The following OVCH2 variants were observed in gnomAD, a reference collection of about 807,000 sequenced individuals.
OVCH2 encodes the protein ovochymase 2.
OVCH2 carries 88 observed loss-of-function variants against 73.7 expected under a neutral mutation model. The observed-to-expected ratio is 1.19, with a 90% CI of 1.01 to 1.43. The LOEUF (loss-of-function observed/expected upper bound fraction) is 1.43. Ranked by LOEUF, OVCH2 falls within the 40% of genes most tolerant of loss-of-function variation. The pLI is 0.00. For missense variants in OVCH2, 706 were observed against 674.5 expected (o/e 1.05, Z -0.52); for synonymous variants, 265 against 234.5 (o/e 1.13, Z -1.19).
chr11:7,687,399 A>T (rs4758217), downstream of OVCH2, among the ~76,000 whole-genome samples: 24,426 of 151,958 alleles, frequency 0.16, 2,051 homozygotes, highest in Middle Eastern at 0.19. Context: ...ATAAATTCTT[A>T]CTGGGATTAT....
rs1589880652 is a variant in OVCH2 at position 7,701,623 on chromosome 11, C to T, written c.559+93G>A. ...CTATCTTTAGAAATGTATGCACAAT[C>T]GATTTTTAAAAATGGATTAAAAATT... On this transcript the variant is annotated intron_variant, in intron 5 of 15. Coordinates refer to ENST00000533663, the MANE Select transcript of OVCH2 (RefSeq NM_198185.7). 16 of 1,402,516 alleles carry T rather than the reference C, an allele frequency of 1.1e-5. No homozygotes were observed. The East Asian group carries it at 1.3e-4, about 11-fold the overall frequency. The allele number at this position is 1,402,516 out of a possible 1,614,324, so 86.9% of individuals were successfully genotyped here. A position where few individuals can be genotyped will look rare whatever the true frequency, so the allele number is the denominator to read the frequency against.
rs149628410 is a variant in OVCH2 at position 7,696,378 on chromosome 11, A to G, written c.1141+87T>C. 4.6e-5 allele frequency: 70 copies of G among 1,537,036 alleles called. No individual in the cohort carries two copies. The East Asian group carries it at 1.6e-3, about 35-fold the overall frequency. On this transcript the variant is annotated intron_variant, in intron 10 of 15. Transcript: ENST00000533663. ...AAGTCAAGAAGTGTGGCATTTACAG[A>G]TGGCTGAGTGCCAGACATAAGATAA...
At chr11:7,696,439 A>G in intron 10 of OVCH2, 26 bp downstream of exon 10, 2 of 1,613,772 alleles carry the variant, frequency 1.2e-6, no homozygotes, top group Non-Finnish European at 8.5e-7. Context: ...ACTGGTTTCC[A>G]TTTGACACTG....
chr11:7,688,055 G>T (rs972528179), downstream of OVCH2, among the ~76,000 whole-genome samples: 5 of 152,176 alleles, frequency 3.3e-5, no homozygotes, highest in Admixed American at 1.3e-4. Flanking sequence ...TTTGGTGGGA[G>T]CGCAAACATT....
chr11:7,683,155 G>T, the OVCH2 span, among the ~76,000 whole-genome samples: 2 of 152,102 alleles, frequency 1.3e-5, no homozygotes, highest in Admixed American at 6.5e-5. Flanking sequence ...ATCCAGGCTG[G>T]GTCAGTCCTC....
chr11:7,703,679 T>C lies in OVCH2; in HGVS notation c.290+19A>G, dbSNP rs1856483421. The C allele has an allele frequency of 3.8e-6, 6 of 1,574,696 alleles. No homozygotes were observed. The highest frequency in any genetic ancestry group is 5.2e-6 in the Non-Finnish European group (6 of 1,160,012). ...GAAATGGTGGTGTGGTCTTCACTCA[T>C]GGGCTAGGCCTTTCTTACCTGTTTG... On this transcript the variant is annotated intron_variant, in intron 3 of 15. Transcript: ENST00000533663.
At chr11:7,680,864 A>G in the OVCH2 span, among the ~76,000 whole-genome samples, 1 of 152,224 alleles carries the variant, frequency 6.6e-6, no homozygotes, top group Non-Finnish European at 1.5e-5. Context: ...ATTTATTTAT[A>G]CTTGAATTTA....
At chr11:7,679,170 A>C in the OVCH2 span, among the ~76,000 whole-genome samples, 1 of 152,166 alleles carries the variant, frequency 6.6e-6, no homozygotes, top group African/African-American at 2.4e-5. Flanking sequence ...GACAAAAGGG[A>C]CTTTGTAGCT....
At chr11:7,688,733 C>T (rs1040418940), downstream of OVCH2, among the ~76,000 whole-genome samples, 3 of 152,252 alleles carry the variant, frequency 2.0e-5, no homozygotes, top group Admixed American at 6.5e-5. Context: ...TCTGCCTGCT[C>T]TCCTCACCAC....
downstream of OVCH2, among the ~76,000 whole-genome samples, chr11:7,684,870 C>T (rs1364995607): frequency 1.3e-5 from 2 of 152,110 alleles, no homozygotes; most frequent in East Asian, 3.9e-4. Context: ...GAAATCTTAG[C>T]ATCTTAAGGG....
the OVCH2 span, among the ~76,000 whole-genome samples, chr11:7,679,884 A>AG: frequency 6.6e-6 from 1 of 152,206 alleles, no homozygotes; most frequent in Non-Finnish European, 1.5e-5. Flanking sequence ...CAAAGGGCTG[A>AG]GTTCAGGGAG....
At chr11:7,704,747 C>T in intron 1 of OVCH2, 73 bp from the exon 2 acceptor site, 2 of 991,542 alleles carry the variant, frequency 2.0e-6, no homozygotes, top group Non-Finnish European at 3.1e-6. Context: ...TCCATTTCAC[C>T]CATGAAACTG....
rs1856460294 is a variant in OVCH2 at position 7,702,344 on chromosome 11, G to A, written c.291-15C>T. The A allele has an allele frequency of 6.4e-7, 1 of 1,559,124 alleles. No homozygotes were observed. Among genetic ancestry groups the A allele is most frequent in the Admixed American group, 2.1e-5 (1 of 47,160 alleles). On this transcript the variant is annotated splice_polypyrimidine_tract_variant and intron_variant, in intron 3 of 15. Coordinates refer to ENST00000533663, the MANE Select transcript of OVCH2 (RefSeq NM_198185.7). ...ACACAATGTTTCTATGGAAAGCAAA[G>A]AGTAAAATGAATGAATTTCATTGTG... is the stretch of plus-strand genomic sequence containing the variant.
At chr11:7,681,435 C>T in the OVCH2 span, among the ~76,000 whole-genome samples, 24,387 of 152,076 alleles carry the variant, frequency 0.16, 2,050 homozygotes, top group African/African-American at 0.18. Flanking sequence ...CTAACATGGG[C>T]ATGATAGACT....
chr11:7,695,255 C>CCTCCTGTCTT (rs1049294283), intron 11 of OVCH2, 67 bp from the exon 12 acceptor site: 15 of 1,454,998 alleles, frequency 1.0e-5, no homozygotes, highest in Non-Finnish European at 1.4e-5. Flanking sequence ...CACTGCTCTC[C>CCTCCTGTCTT]CTCCTGTCTC....
Position 7,696,783 on chromosome 11 carries a change from C to T in OVCH2, c.942G>A (p.Gln314=). 6.2e-7 allele frequency: 1 copy of T among 1,609,578 alleles called. No homozygotes were observed. ...RKSSRAWCSE[Q]DVIVSGAEGK... ...CCTCAGCCCCGCTGACTATGACATC[C>T]TGCTCACTGCACCAGGCTGGGAGGG... Residue 314 remains glutamine (Q), a synonymous_variant, in exon 9 of 16, where the codon CAG becomes CAA. Transcript: ENST00000533663.
rs1856315389 is a variant in OVCH2 at position 7,695,600 on chromosome 11, A to C, written c.1252T>G (p.Tyr418Asp). 6.2e-7 allele frequency: 1 copy of C among 1,613,640 alleles called. No homozygotes were observed. The highest frequency in any genetic ancestry group is 1.1e-5 in the South Asian group (1 of 91,060). Reference sequence around the variant, plus strand: ...ATGTAGTTTGGTTTAAGAGCTTTATAGGTAAGATTAAACCCAGCTGCATTA... The same window carrying C: ...ATGTAGTTTGGTTTAAGAGCTTTATCGGTAAGATTAAACCCAGCTGCATTA... ...TDNAAGFNLTYKALKPNYIPD... is the reference protein window; with the variant it reads ...TDNAAGFNLTDKALKPNYIPD... Residue 418 changes from tyrosine to aspartate, a missense_variant, in exon 11 of 16, where the codon TAT becomes GAT. Tyr to Asp is a radical substitution (Grantham distance 160). Coordinates refer to ENST00000533663, the MANE Select transcript of OVCH2 (RefSeq NM_198185.7).
In OVCH2 at chr11:7,703,789, C is replaced by G. The variant is rs775319981; in HGVS notation, c.199G>C (p.Val67Leu). The part of the protein sequence containing the change: ...QVEKGSYPWQ[V>L]SLKQRQKHIC... ...TGCTTCTGCCTTTGTTTCAGAGATA[C>G]CTAAATTGCAAATACCTTAAATGAA... Residue 67 changes from valine (V) to leucine (L), a missense_variant and splice_region_variant, in exon 3 of 16, where the codon GTA (valine) becomes CTA (leucine). Val to Leu is a conservative substitution (Grantham distance 32). Coordinates refer to ENST00000533663, the MANE Select transcript of OVCH2 (RefSeq NM_198185.7). The G allele has an allele frequency of 1.2e-6, 2 of 1,601,648 alleles. No individual in the cohort carries two copies. Among genetic ancestry groups the G allele is most frequent in the South Asian group, 1.1e-5 (1 of 88,674 alleles).
intron 2 of OVCH2, among the ~76,000 whole-genome samples, 200 bp downstream of exon 2, chr11:7,704,365 A>T (rs1856495611): frequency 1.3e-5 from 2 of 152,178 alleles, no homozygotes; most frequent in South Asian, 2.1e-4. Context: ...TATTTGTGAT[A>T]CTTGATTTGA....
Sources: allele counts gnomAD v4.1 joint callset (sites outside exome capture counted in the v4.1 genomes callset), GRCh38; gene constraint gnomAD v4.1.1; transcripts MANE v1.5; gene names NCBI Gene and HGNC (gene_info 2026-07-23, HGNC 2026-07-21).